OSBPL10: variants seen among roughly 807,000 people sequenced by gnomAD.
The protein encoded by OSBPL10 is oxysterol binding protein like 10.
In OSBPL10, 49 loss-of-function variants were observed where a neutral mutation model predicts 81.7. The observed-to-expected ratio is 0.60, with a 90% confidence interval of 0.48 to 0.76. OSBPL10 has a LOEUF of 0.76. Ranked by LOEUF, OSBPL10 falls within the 30% of genes least tolerant of loss-of-function variation. The probability of loss-of-function intolerance (pLI) is 0.00; values close to 1 mark genes in which losing one functional copy is unlikely to be tolerated. For synonymous variants in OSBPL10, 419 were observed against 383.6 expected (o/e 1.09, Z -1.08); for missense variants, 923 against 987.8 (o/e 0.93, Z 0.88).
At chr3:31,904,883 G>C (rs1161147168) in intron 1 of OSBPL10, among the ~76,000 whole-genome samples, 1 of 152,176 alleles carries the variant, frequency 6.6e-6, no homozygotes, top group Non-Finnish European at 1.5e-5. Flanking sequence ...GGAGAGGAGA[G>C]CATCAGTTAT....
chr3:32,063,912 G>T (rs377407940), intron 1 of OSBPL10: 1 of 93,364 alleles, frequency 1.1e-5, no homozygotes, highest in East Asian at 2.4e-4. Context: ...CCCAGTCTCA[G>T]GTAGTTCTTT....
chr3:31,937,703 C>CG (rs11386326), intron 1 of OSBPL10, among the ~76,000 whole-genome samples: 69,386 of 151,870 alleles, frequency 0.46, 16,055 homozygotes, highest in South Asian at 0.55. Context: ...GACCACCCTT[C>CG]CCCCAACCTC....
intron 2 of OSBPL10, among the ~76,000 whole-genome samples, chr3:32,004,348 T>G (rs1158729679): frequency 2.0e-5 from 3 of 152,148 alleles, no homozygotes; most frequent in Non-Finnish European, 2.9e-5. Flanking sequence ...GATTATGCTG[T>G]GATAGGCAAG....
intron 4 of OSBPL10, among the ~76,000 whole-genome samples, chr3:31,773,950 TC>T (rs1163024571): frequency 6.6e-6 from 1 of 151,246 alleles, no homozygotes; most frequent in African/African-American, 2.4e-5. Flanking sequence ...GATCACGAGG[TC>T]AGGAGTTCGA....
intron 6 of OSBPL10, among the ~76,000 whole-genome samples, chr3:31,707,835 T>C (rs1696122058): frequency 6.6e-6 from 1 of 152,224 alleles, no homozygotes; most frequent in East Asian, 1.9e-4. Context: ...GCAAGTGTAC[T>C]TATGTTTTCT....
intron 4 of OSBPL10, among the ~76,000 whole-genome samples, chr3:31,801,230 G>A (rs888565571): frequency 6.6e-6 from 1 of 152,160 alleles, no homozygotes; most frequent in Non-Finnish European, 1.5e-5. Flanking sequence ...ACACAGAACT[G>A]CATGGACATC....
chr3:31,687,726 A>T (rs1700827632), intron 7 of OSBPL10, among the ~76,000 whole-genome samples: 1 of 152,020 alleles, frequency 6.6e-6, no homozygotes, highest in Admixed American at 6.5e-5. Flanking sequence ...CTCTCAGTGG[A>T]CAAGGGAGAC....
At chr3:31,903,502 A>G (rs762312013) in intron 1 of OSBPL10, among the ~76,000 whole-genome samples, 1 of 151,860 alleles carries the variant, frequency 6.6e-6, no homozygotes, top group African/African-American at 2.4e-5. Flanking sequence ...TAATCTTTAA[A>G]AACTCTTTTG....
intron 1 of OSBPL10, among the ~76,000 whole-genome samples, chr3:32,069,184 C>T (rs907334257): frequency 2.6e-5 from 4 of 152,096 alleles, no homozygotes; most frequent in Non-Finnish European, 4.4e-5. Context: ...ACAGGAATTC[C>T]GATATCTAAC....
chr3:31,820,654 A>G (rs1699961354), intron 4 of OSBPL10, among the ~76,000 whole-genome samples: 1 of 152,328 alleles, frequency 6.6e-6, no homozygotes, highest in Admixed American at 6.5e-5. Context: ...AGATAGGTAT[A>G]AAGTACACCA....
chr3:31,692,718 G>T (rs1397189488), intron 7 of OSBPL10, among the ~76,000 whole-genome samples: 1 of 152,222 alleles, frequency 6.6e-6, no homozygotes, highest in African/African-American at 2.4e-5. Flanking sequence ...AATCTTCTTA[G>T]ATGTCTGTAA....
chr3:31,958,992 G>A (rs1020730377), intron 1 of OSBPL10, among the ~76,000 whole-genome samples: 2 of 152,096 alleles, frequency 1.3e-5, no homozygotes, highest in Non-Finnish European at 2.9e-5. Context: ...GACTCCCAAA[G>A]GTCAAATGTC....
At chr3:31,748,578 T>C (rs767835840) in intron 4 of OSBPL10, among the ~76,000 whole-genome samples, 13 of 143,914 alleles carry the variant, frequency 9.0e-5, no homozygotes, top group Admixed American at 4.4e-4. Flanking sequence ...AAGGGAAATC[T>C]GGGGCTGGTG....
At chr3:31,849,505 A>G (rs1700708180) in intron 3 of OSBPL10, among the ~76,000 whole-genome samples, 2 of 152,198 alleles carry the variant, frequency 1.3e-5, no homozygotes, top group South Asian at 4.1e-4. Flanking sequence ...TTTAGAGATA[A>G]TTCTAGGTCT....
At chr3:32,055,689 C>T in intron 1 of OSBPL10, among the ~76,000 whole-genome samples, 1 of 152,148 alleles carries the variant, frequency 6.6e-6, no homozygotes, top group South Asian at 2.1e-4. Flanking sequence ...TAGGCTTTGA[C>T]TGGAATCGCC....
chr3:32,041,653 C>G (rs1258281578), intron 2 of OSBPL10, among the ~76,000 whole-genome samples: 2 of 140,188 alleles, frequency 1.4e-5, no homozygotes, highest in African/African-American at 5.0e-5. Flanking sequence ...CTTTCTTTTT[C>G]TTTCTTTCTT....
At chr3:31,898,228 G>A (rs1696123238) in intron 1 of OSBPL10, among the ~76,000 whole-genome samples, 1 of 151,946 alleles carries the variant, frequency 6.6e-6, no homozygotes, top group South Asian at 2.1e-4. Flanking sequence ...GGTGACTATA[G>A]TTAGTAATAA....
At chr3:32,072,729 C>T (rs1370728068) in intron 1 of OSBPL10, among the ~76,000 whole-genome samples, 3 of 152,120 alleles carry the variant, frequency 2.0e-5, no homozygotes, top group Non-Finnish European at 2.9e-5. Context: ...CCAGGAGTGG[C>T]AAATTGACTT....
At chr3:31,922,379 G>A (rs186975206) in intron 1 of OSBPL10, among the ~76,000 whole-genome samples, 70 of 152,292 alleles carry the variant, frequency 4.6e-4, no homozygotes, top group Middle Eastern at 3.4e-3. Context: ...AGCACTTTGG[G>A]AGGCCATGGC....
Sources: gnomAD v4.1 joint callset for allele counts (sites outside exome capture counted in the v4.1 genomes callset) on GRCh38, gnomAD v4.1.1 for gene constraint, MANE v1.5 for transcripts, NCBI Gene and HGNC (gene_info 2026-07-23, HGNC 2026-07-21) for gene names.